ALPK1: variants seen among roughly 807,000 people sequenced by gnomAD.
The protein encoded by ALPK1 is alpha-protein kinase 1.
ALPK1 carries 110 observed loss-of-function variants against 120.6 expected under a neutral mutation model. The ratio of observed to expected loss-of-function variants is 0.91; its 90% confidence interval spans 0.78 to 1.07. The LOEUF (loss-of-function observed/expected upper bound fraction) is 1.07. Ranked by LOEUF, ALPK1 falls within the 50% of genes least tolerant of loss-of-function variation. ALPK1 has a pLI of 0.00. For synonymous variants in ALPK1, 582 were observed against 560.3 expected (o/e 1.04, Z -0.55); for missense variants, 1,498 against 1,483.9 (o/e 1.01, Z -0.16).
Position 112,355,560 on chromosome 4 carries a change from G to A in ALPK1, c.-100-22118G>A, listed in dbSNP as rs376111778. 7.5e-4 allele frequency among the ~76,000 whole-genome samples: 115 copies of A among 152,338 alleles called. 1 individual carries two copies. Among genetic ancestry groups the A allele is most frequent in the African/African-American group, 2.5e-3 (106 of 41,580 alleles). ...AGGCCCATGCAGCTATCCAGGAAAT[G>A]ATGGTGGCTGGGCCTAGGGAGGTGG... On this transcript the variant is annotated intron_variant, in intron 2 of 15. Coordinates refer to ENST00000650871, the MANE Select transcript of ALPK1 (RefSeq NM_025144.4).
intron 2 of ALPK1, among the ~76,000 whole-genome samples, chr4:112,328,866 T>C (rs917618877): frequency 4.6e-5 from 7 of 152,322 alleles, no homozygotes; most frequent in Admixed American, 3.3e-4. Flanking sequence ...CCCAACATGA[T>C]AGATTGATGA....
intron 2 of ALPK1, chr4:112,359,428 A>G: frequency 3.2e-6 from 1 of 307,876 alleles, no homozygotes; most frequent in Non-Finnish European, 6.3e-6. Flanking sequence ...CCCCTGCTGC[A>G]GAGGTTCAGC....
chr4:112,349,551 G>GCACCCCCCCCCC (rs71595592), intron 2 of ALPK1, among the ~76,000 whole-genome samples: 3 of 103,714 alleles, frequency 2.9e-5, no homozygotes, highest in African/African-American at 4.1e-5. Flanking sequence ...CCCAACCCCT[G>GCACCCCCCCCCC]CCCCCCCCCG....
intron 2 of ALPK1, among the ~76,000 whole-genome samples, chr4:112,360,133 T>C (rs1327752798): frequency 1.3e-5 from 2 of 152,144 alleles, no homozygotes; most frequent in Non-Finnish European, 2.9e-5. Context: ...TTCTATGAAT[T>C]CAACATTTTT....
intron 2 of ALPK1, among the ~76,000 whole-genome samples, chr4:112,337,347 T>C (rs2148704171): frequency 6.6e-6 from 1 of 152,222 alleles, no homozygotes; most frequent in East Asian, 1.9e-4. Context: ...TGGCATTAAG[T>C]CTGGAAATGT....
At position 112,432,219 on chromosome 4, in the gene ALPK1, C is replaced by T; in HGVS notation, c.2672C>T (p.Ser891Phe). The T allele has an allele frequency of 6.2e-7, 1 of 1,614,226 alleles. No individual in the cohort carries two copies. The highest frequency in any genetic ancestry group is 8.5e-7 in the Non-Finnish European group (1 of 1,180,034). ...CAGAGGGCGGAGACCCCCAATTCCT[C>T]TGTAAGCGGTAACATCCTCTTCCCT... The part of the protein sequence containing the change: ...PGQRAETPNS[S>F]VSGNILFPVL... Residue 891 changes from serine (S) to phenylalanine (F), a missense_variant, in exon 11 of 16, where the codon TCT becomes TTT. Transcript: ENST00000650871.
Position 112,427,664 on chromosome 4 carries a change from T to C in ALPK1, c.794T>C (p.Leu265Ser), listed in dbSNP as rs1734298246. 3 of 1,606,152 alleles carry C rather than the reference T, an allele frequency of 1.9e-6. No individual in the cohort carries two copies. Among genetic ancestry groups the C allele is most frequent in the Non-Finnish European group, 1.7e-6 (2 of 1,172,898 alleles). ...EKFKNNPQIN[L>S]SLLKEFDHHL... ...TTTAAAAACAATCCACAAATTAATT[T>C]GGTAATTATCATAACACTGAGTGGC... Residue 265 changes from leucine (L) to serine (S), a missense_variant and splice_region_variant, in exon 9 of 16, where the codon TTG (leucine) becomes TCG (serine). Transcript: ENST00000650871.
intron 2 of ALPK1, among the ~76,000 whole-genome samples, chr4:112,335,181 G>A (rs1167571170): frequency 4.0e-5 from 6 of 151,874 alleles, no homozygotes; most frequent in Non-Finnish European, 7.4e-5. Flanking sequence ...GCTTGAATCC[G>A]GCAGGCGGAG....
chr4:112,399,931 T>C (rs771056706), intron 4 of ALPK1, among the ~76,000 whole-genome samples: 9 of 152,218 alleles, frequency 5.9e-5, no homozygotes, highest in Non-Finnish European at 1.3e-4. Context: ...CATGGAGTCA[T>C]TCTTTTTTAT....
At chr4:112,349,193 G>C (rs143531071) in intron 2 of ALPK1, among the ~76,000 whole-genome samples, 102 of 152,062 alleles carry the variant, frequency 6.7e-4, no homozygotes, top group African/African-American at 2.3e-3. Context: ...AATTATCTAG[G>C]AGATAATCCC....
At chr4:112,360,501 A>G (rs1162340694) in intron 2 of ALPK1, among the ~76,000 whole-genome samples, 1 of 152,200 alleles carries the variant, frequency 6.6e-6, no homozygotes, top group Non-Finnish European at 1.5e-5. Flanking sequence ...GGCTATTGTG[A>G]ATAATGCTGC....
intron 4 of ALPK1, 62 bp downstream of exon 4, chr4:112,382,614 T>C (rs148110200): frequency 6.2e-7 from 1 of 1,608,890 alleles, no homozygotes; most frequent in Non-Finnish European, 8.5e-7. Context: ...AGACTCTAAG[T>C]GGTCTAATAG....
At chr4:112,299,752 A>G (rs181688339) in intron 1 of ALPK1, among the ~76,000 whole-genome samples, 39 of 152,338 alleles carry the variant, frequency 2.6e-4, no homozygotes, top group Non-Finnish European at 4.7e-4. Context: ...TCAAACGTTT[A>G]TCACACCTGT....
chr4:112,420,639 T>G (rs1316323130), intron 5 of ALPK1, among the ~76,000 whole-genome samples: 5 of 152,172 alleles, frequency 3.3e-5, no homozygotes, highest in Non-Finnish European at 7.3e-5. Flanking sequence ...TGAGAGTCAC[T>G]CAGCAGTCAC....
intron 4 of ALPK1, among the ~76,000 whole-genome samples, chr4:112,391,096 C>A (rs1475039099): frequency 1.3e-5 from 2 of 152,200 alleles, no homozygotes; most frequent in Non-Finnish European, 2.9e-5. Context: ...ATGTGACTTG[C>A]ATGCCTCCCT....
chr4:112,377,794 T>C lies in ALPK1; in HGVS notation c.17T>C (p.Val6Ala). 6.2e-7 allele frequency: 1 copy of C among 1,611,730 alleles called. No homozygotes were observed. MNNQK[V>A]VAVLLQECKQ... is the part of the protein sequence containing the mutation. ...GTAATCATCATGAATAATCAAAAAG[T>C]GGTAGCTGTGCTACTGCAAGAGTGC... Residue 6 changes from valine (V) to alanine (A), a missense_variant, in exon 3 of 16, where the codon GTG becomes GCG. Coordinates refer to ENST00000650871, the MANE Select transcript of ALPK1 (RefSeq NM_025144.4).
At chr4:112,351,302 A>C (rs534951252) in intron 2 of ALPK1, among the ~76,000 whole-genome samples, 1 of 152,266 alleles carries the variant, frequency 6.6e-6, no homozygotes, top group Non-Finnish European at 1.5e-5. Context: ...GTGGGACACA[A>C]AGGCAAGAGA....
intron 4 of ALPK1, among the ~76,000 whole-genome samples, chr4:112,387,072 G>C (rs745420419): frequency 6.6e-6 from 1 of 152,184 alleles, no homozygotes; most frequent in Non-Finnish European, 1.5e-5. Context: ...AAGGCATTTA[G>C]CGTTAGCTTC....
chr4:112,384,086 G>C (rs1276300051), intron 4 of ALPK1: 3 of 152,168 alleles, frequency 2.0e-5, no homozygotes, highest in African/African-American at 7.2e-5. Flanking sequence ...GTTAAGTTGG[G>C]GTTCTCCTGT....
Sources: allele counts gnomAD v4.1 joint callset (sites outside exome capture counted in the v4.1 genomes callset), GRCh38; gene constraint gnomAD v4.1.1; transcripts MANE v1.5; gene names NCBI Gene and HGNC (gene_info 2026-07-23, HGNC 2026-07-21).